The following EXOC6B variants were observed in gnomAD, a reference collection of about 807,000 sequenced individuals.
The protein encoded by EXOC6B is exocyst complex component 6B, also known as SEC15 homolog B.
In EXOC6B, 54 loss-of-function variants were observed where a neutral mutation model predicts 113.5. That is an observed-to-expected ratio of 0.48 (90% confidence interval 0.38 to 0.60). The LOEUF (loss-of-function observed/expected upper bound fraction) is 0.60. Ranked by LOEUF, EXOC6B falls within the 20% of genes least tolerant of loss-of-function variation. The probability of loss-of-function intolerance (pLI) is 0.00; values close to 1 mark genes in which losing one functional copy is unlikely to be tolerated. For missense variants in EXOC6B, 797 were observed against 977.5 expected, an observed-to-expected ratio of 0.82 and a Z score of 2.46; for synonymous variants, 357 against 339.0, an observed-to-expected ratio of 1.05 and a Z score of -0.58.
At chr2:72,755,043 C>T (rs1480014677) in intron 1 of EXOC6B, among the ~76,000 whole-genome samples, 1 of 152,076 alleles carries the variant, frequency 6.6e-6, no homozygotes, top group African/African-American at 2.4e-5. Flanking sequence ...AAGAATTACT[C>T]CTTAACAGTC....
chr2:72,699,979 A>G (rs539844478), intron 6 of EXOC6B, among the ~76,000 whole-genome samples: 44 of 152,262 alleles, frequency 2.9e-4, no homozygotes, highest in Admixed American at 6.5e-4. Flanking sequence ...CCTTACCTAA[A>G]ATGGTGTAAC....
intron 1 of EXOC6B, among the ~76,000 whole-genome samples, chr2:72,774,475 C>G (rs1299000683): frequency 6.6e-6 from 1 of 152,100 alleles, no homozygotes; most frequent in Non-Finnish European, 1.5e-5. Flanking sequence ...TAAAACAGTA[C>G]AGCCAGTTGC....
chr2:72,665,980 G>A (rs1339727645), intron 6 of EXOC6B, among the ~76,000 whole-genome samples: 1 of 152,122 alleles, frequency 6.6e-6, no homozygotes, highest in Non-Finnish European at 1.5e-5. Context: ...CAAAGTAAAG[G>A]AATGGAGAAA....
intron 18 of EXOC6B, among the ~76,000 whole-genome samples, chr2:72,420,485 G>A (rs919373560): frequency 7.2e-5 from 11 of 152,118 alleles, no homozygotes; most frequent in African/African-American, 2.7e-4. Flanking sequence ...AGAACACGTG[G>A]TGTTTGGTTT....
At chr2:72,691,016 C>T (rs907232967) in intron 6 of EXOC6B, among the ~76,000 whole-genome samples, 5 of 152,088 alleles carry the variant, frequency 3.3e-5, no homozygotes, top group Non-Finnish European at 5.9e-5. Flanking sequence ...CCCAATACTT[C>T]GAGAGGCTGA....
chr2:72,179,357 A>G lies in EXOC6B; in HGVS notation c.2414T>C (p.Leu805Pro). ...CCTTCATGAGTGGTGGCTGCTGATG[A>G]GTCCTCGGAGCTGCTTGGCCACGGT... ...IDTVAKQLRG[L>P]ISSHHS The change falls in exon 22 of 22, where the codon CTC (leucine) becomes CCC (proline). Residue 805 changes from leucine (L) to proline (P), a missense_variant. Coordinates refer to ENST00000272427, the MANE Select transcript of EXOC6B (RefSeq NM_015189.3). 1 of 1,611,352 alleles carries G rather than the reference A, an allele frequency of 6.2e-7. No individual in the cohort carries two copies. Among genetic ancestry groups the G allele is most frequent in the Non-Finnish European group, 8.5e-7 (1 of 1,178,702 alleles).
intron 20 of EXOC6B, among the ~76,000 whole-genome samples, chr2:72,189,860 C>CTTCTTTTTTTTTTTTT (rs1178321834): frequency 3.4e-5 from 3 of 87,252 alleles, no homozygotes; most frequent in African/African-American, 2.0e-4. Flanking sequence ...CCTTCTTCTT[C>CTTCTTTTTTTTTTTTT]TTTTTTTTTT....
intron 1 of EXOC6B, among the ~76,000 whole-genome samples, chr2:72,785,643 A>G (rs1221435909): frequency 6.6e-6 from 1 of 152,180 alleles, no homozygotes; most frequent in African/African-American, 2.4e-5. Flanking sequence ...TTCAACCACA[A>G]CTGGAGCAGC....
intron 1 of EXOC6B, among the ~76,000 whole-genome samples, chr2:72,767,809 A>T (rs796634645): frequency 3.9e-4 from 26 of 66,436 alleles, no homozygotes; most frequent in South Asian, 1.1e-3. Flanking sequence ...AGACCTTGTT[A>T]AAAAAAAAAA....
rs190527860 is a variant in EXOC6B at position 72,767,861 on chromosome 2, A to G, written c.114-26392T>C. Reference sequence around the variant, plus strand: ...CCAAGTCCGGTGGCTCACGCTTATAATTCCAGAACTTTGGGAGGCCGAGGC... The same window carrying G: ...CCAAGTCCGGTGGCTCACGCTTATAGTTCCAGAACTTTGGGAGGCCGAGGC... On this transcript the variant is annotated intron_variant, in intron 1 of 21. Transcript: ENST00000272427. Among the ~76,000 whole-genome samples the G allele has an allele frequency of 2.2e-3, 306 of 140,460 alleles. 9 individuals are homozygous for G. Among genetic ancestry groups the G allele is most frequent in the Non-Finnish European group, 6.4e-4 (42 of 65,488 alleles). 92.1% of individuals were successfully genotyped at this position (140,460 alleles called of 152,430 possible). A position where few individuals can be genotyped will look rare whatever the true frequency, so the allele number is the denominator to read the frequency against.
chr2:72,503,100 C>T (rs1311139620), intron 11 of EXOC6B, among the ~76,000 whole-genome samples: 4 of 152,140 alleles, frequency 2.6e-5, no homozygotes, highest in African/African-American at 9.7e-5. Flanking sequence ...CTTAAGGAAT[C>T]TCTCACTTGT....
rs894150959 is a variant in EXOC6B at position 72,520,732 on chromosome 2, T to C, written c.916-5606A>G. 3.9e-5 allele frequency among the ~76,000 whole-genome samples: 6 copies of C among 152,190 alleles called. No individual in the cohort carries two copies. The East Asian group carries it at 5.8e-4, about 15-fold the overall frequency. On this transcript the variant is annotated intron_variant, in intron 8 of 21. Coordinates refer to ENST00000272427, the MANE Select transcript of EXOC6B (RefSeq NM_015189.3). ...ACTGATTTCAGCATCCAGCAAGCAA[T>C]TGGCCTATAAAATATGAGCAAATAT...
chr2:72,427,142 C>A (rs1462670745), intron 18 of EXOC6B, among the ~76,000 whole-genome samples: 4 of 152,202 alleles, frequency 2.6e-5, no homozygotes, highest in Non-Finnish European at 4.4e-5. Flanking sequence ...TGGGAGCCCC[C>A]CTGGAGCCAG....
intron 18 of EXOC6B, among the ~76,000 whole-genome samples, chr2:72,424,135 T>C (rs567774307): frequency 2.0e-5 from 3 of 152,288 alleles, no homozygotes; most frequent in East Asian, 1.9e-4. Context: ...ATTTCTATGA[T>C]TGGGGGACAG....
At chr2:72,782,588 T>TATA (rs1174407668) in intron 1 of EXOC6B, among the ~76,000 whole-genome samples, 1 of 152,190 alleles carries the variant, frequency 6.6e-6, no homozygotes, top group Non-Finnish European at 1.5e-5. Context: ...AATTGTTAAC[T>TATA]ATAATCACCC....
chr2:72,463,139 A>G (rs1697808033), intron 18 of EXOC6B: 1 of 152,122 alleles, frequency 6.6e-6, no homozygotes, highest in South Asian at 2.1e-4. Context: ...TAAATCCTAC[A>G]CACTAGTACA....
chr2:72,375,271 T>C (rs972640141), intron 19 of EXOC6B, among the ~76,000 whole-genome samples: 7 of 152,088 alleles, frequency 4.6e-5, no homozygotes, highest in Non-Finnish European at 1.0e-4. Context: ...AAAAAATCAG[T>C]AGGAATACAG....
intron 11 of EXOC6B, among the ~76,000 whole-genome samples, chr2:72,503,619 A>G (rs1700445411): frequency 6.6e-6 from 1 of 152,206 alleles, no homozygotes; most frequent in Non-Finnish European, 1.5e-5. Flanking sequence ...GGTTGCTTCC[A>G]TGTTCTGGCA....
chr2:72,517,510 A>G (rs1701278552), intron 8 of EXOC6B, among the ~76,000 whole-genome samples: 1 of 152,146 alleles, frequency 6.6e-6, no homozygotes, highest in Non-Finnish European at 1.5e-5. Flanking sequence ...TTTCATCCAT[A>G]CATTAATGAG....
Sources: gnomAD v4.1 joint callset for allele counts (sites outside exome capture counted in the v4.1 genomes callset) on GRCh38, gnomAD v4.1.1 for gene constraint, MANE v1.5 for transcripts, NCBI Gene and HGNC (gene_info 2026-07-23, HGNC 2026-07-21) for gene names.